Variants in FARP1 observed in about 807,000 individuals in gnomAD.
FARP1 encodes the protein FERM, ARHGEF and pleckstrin domain-containing protein 1.
In FARP1, 52 loss-of-function variants were observed where a neutral mutation model predicts 128.8. The ratio of observed to expected loss-of-function variants is 0.40; its 90% CI spans 0.32 to 0.51. The LOEUF (loss-of-function observed/expected upper bound fraction) is 0.51. Among genes scored for constraint, FARP1 ranks in the 20% least tolerant of loss-of-function variants. FARP1 has a pLI of 0.45. For synonymous variants in FARP1, 580 were observed against 551.8 expected (o/e 1.05, Z -0.72); for missense variants, 1,333 against 1,367.9 (o/e 0.97, Z 0.40).
At position 98,430,943 on chromosome 13, in the gene FARP1, G is replaced by A. The variant is rs1451601770; in HGVS notation, c.1906-100G>A. Reference sequence around the variant, plus strand: ...AGGAAATTAAACAAATCGTGAAATAGAGAGTGCAGGAGCGCTTCATTTCCC... The same window carrying A: ...AGGAAATTAAACAAATCGTGAAATAAAGAGTGCAGGAGCGCTTCATTTCCC... On this transcript the variant is annotated intron_variant, in intron 17 of 26. Transcript: ENST00000319562. 8.6e-6 allele frequency: 6 copies of A among 695,098 alleles called. No individual in the cohort carries two copies. The African/African-American group carries it at 1.1e-4, about 12-fold the overall frequency. 43.1% of individuals were successfully genotyped at this position (695,098 alleles called of 1,614,324 possible).
chr13:98,438,786 G>T lies in FARP1; in HGVS notation c.2275-18G>T, dbSNP rs754594177. 22 of 1,610,758 alleles carry T rather than the reference G, an allele frequency of 1.4e-5. No individual in the cohort carries two copies. The highest frequency in any genetic ancestry group is 1.7e-5 in the Non-Finnish European group (20 of 1,178,698). ...TCCGCACGCTCGCAGCCAGCCCTCCGGTCTGTCTCCCCTGCAGGAGTTCAT... is the reference window on the plus strand; with the variant it reads ...TCCGCACGCTCGCAGCCAGCCCTCCTGTCTGTCTCCCCTGCAGGAGTTCAT... On this transcript the variant is annotated intron_variant, in intron 19 of 26. Coordinates refer to ENST00000319562, the MANE Select transcript of FARP1 (RefSeq NM_005766.4).
At chr13:98,297,539 A>T (rs1885750946) in intron 2 of FARP1, among the ~76,000 whole-genome samples, 1 of 152,192 alleles carries the variant, frequency 6.6e-6, no homozygotes, top group Admixed American at 6.5e-5. Context: ...GACTACAGCC[A>T]ACTGTAGGTA....
intron 13 of FARP1, 30 bp downstream of exon 13, chr13:98,395,506 A>G (rs1486066893): frequency 1.3e-6 from 2 of 1,551,330 alleles, no homozygotes; most frequent in African/African-American, 2.7e-5. Flanking sequence ...CAGAGGCAGC[A>G]GTACTTCCAT....
chr13:98,395,367 G>T lies in FARP1; in HGVS notation c.1305G>T (p.Ala435=). The T allele has an allele frequency of 1.2e-6, 2 of 1,611,972 alleles. No individual in the cohort carries two copies. Among genetic ancestry groups the T allele is most frequent in the Non-Finnish European group, 1.7e-6 (2 of 1,179,182 alleles). ...HPSPAPRRSP[A]GNKQADGAAS... is the part of the protein sequence containing the mutation. ...GCCCTGCGCCGAGGAGAAGCCCCGC[G>T]GGTAACAAGCAGGCGGACGGAGCCG... The change falls in exon 13 of 27, where the codon GCG becomes GCT. Residue 435 remains alanine, a synonymous_variant. Coordinates refer to ENST00000319562, the MANE Select transcript of FARP1 (RefSeq NM_005766.4).
chr13:98,442,847 G>T (rs115947012), intron 24 of FARP1, among the ~76,000 whole-genome samples: 3 of 152,222 alleles, frequency 2.0e-5, no homozygotes, highest in Admixed American at 6.5e-5. Context: ...GCCTTGCTTC[G>T]TCCTGACCTC....
chr13:98,286,966 C>T (rs1260707442), intron 2 of FARP1, among the ~76,000 whole-genome samples: 1 of 152,096 alleles, frequency 6.6e-6, no homozygotes, highest in Non-Finnish European at 1.5e-5. Flanking sequence ...AATTAAAAAA[C>T]TCTCATACTG....
At chr13:98,270,789 C>T (rs73556869) in intron 2 of FARP1, among the ~76,000 whole-genome samples, 3 of 152,116 alleles carry the variant, frequency 2.0e-5, no homozygotes, top group African/African-American at 7.2e-5. Context: ...GGAAACTAAG[C>T]ATGTATATCT....
chr13:98,245,379 A>G, intron 2 of FARP1: 1 of 984,132 alleles, frequency 1.0e-6, no homozygotes, highest in Non-Finnish European at 1.2e-6. Flanking sequence ...TTTTAATGAG[A>G]AAACAGATTT....
intron 5 of FARP1, among the ~76,000 whole-genome samples, chr13:98,376,739 A>G (rs1306163845): frequency 6.9e-6 from 1 of 145,390 alleles, no homozygotes; most frequent in Non-Finnish European, 1.5e-5. Flanking sequence ...TCCCGCCGAT[A>G]GTACTTGAGG....
chr13:98,148,084 C>CA (rs11306922), intron 1 of FARP1, among the ~76,000 whole-genome samples: 1 of 151,872 alleles, frequency 6.6e-6, no homozygotes, highest in African/African-American at 2.4e-5. Context: ...GGTTCCTTTT[C>CA]AAAAAAAAAG....
Position 98,373,531 on chromosome 13 carries a change from C to CGG in FARP1, c.399-4290_399-4289insGG, listed in dbSNP as rs1308379586. ...CTTTGACTTTCCAGAGACAGACAGA[C>CGG]AGACACACACACACACACACACACA... On this transcript the variant is annotated intron_variant, in intron 5 of 26. Transcript: ENST00000319562. Among the ~76,000 whole-genome samples, 328 of 116,952 alleles carry CGG rather than the reference C, an allele frequency of 2.8e-3. 1 individual carries two copies. The highest frequency in any genetic ancestry group is 0.011 in the African/African-American group (320 of 29,116). 76.7% of individuals were successfully genotyped at this position (116,952 alleles called of 152,430 possible).
chr13:98,168,723 G>T (rs1166216319), intron 1 of FARP1, among the ~76,000 whole-genome samples: 3 of 152,082 alleles, frequency 2.0e-5, no homozygotes, highest in Non-Finnish European at 4.4e-5. Context: ...CTTCATTCTG[G>T]TAGAGCCCTT....
intron 2 of FARP1, among the ~76,000 whole-genome samples, chr13:98,215,991 A>T (rs1456097094): frequency 2.6e-5 from 4 of 152,054 alleles, no homozygotes; most frequent in African/African-American, 9.7e-5. Context: ...GGCTTTTACC[A>T]TGTTGACCAG....
chr13:98,419,017 C>T (rs1891491519), intron 16 of FARP1, among the ~76,000 whole-genome samples: 1 of 152,232 alleles, frequency 6.6e-6, no homozygotes, highest in Admixed American at 6.5e-5. Flanking sequence ...CTTCTGTCTT[C>T]TGTGTTTCCC....
rs767112393 is a variant in FARP1, at chr13:98,449,701, A to G, written c.*1384A>G. On this transcript the variant is annotated 3_prime_UTR_variant, in exon 27 of 27. Coordinates refer to ENST00000319562, the MANE Select transcript of FARP1 (RefSeq NM_005766.4). ...TTACAAGATGTACCAGACGGTTTCCAGTACTAACAAAGGGAATAAAAATAC... is the reference window on the plus strand; with the variant it reads ...TTACAAGATGTACCAGACGGTTTCCGGTACTAACAAAGGGAATAAAAATAC... 3 of 152,350 alleles carry G rather than the reference A, an allele frequency of 2.0e-5. No individual in the cohort carries two copies. The highest frequency in any genetic ancestry group is 2.9e-5 in the Non-Finnish European group (2 of 68,008). 9.4% of individuals were successfully genotyped at this position (152,350 alleles called of 1,614,324 possible).
intron 5 of FARP1, 61 bp from the exon 6 acceptor site, chr13:98,377,760 C>T (rs982865112): frequency 1.7e-5 from 21 of 1,261,316 alleles, no homozygotes; most frequent in Non-Finnish European, 2.2e-5. Flanking sequence ...CATGGTGAGG[C>T]CAGGTTCCCG....
intron 2 of FARP1, among the ~76,000 whole-genome samples, chr13:98,230,722 A>C (rs917482770): frequency 6.6e-6 from 1 of 152,184 alleles, no homozygotes; most frequent in Non-Finnish European, 1.5e-5. Context: ...TGATGGGCAT[A>C]ACGAGTCTCA....
intron 17 of FARP1, among the ~76,000 whole-genome samples, chr13:98,426,746 G>C (rs11841970): frequency 0.11 from 17,153 of 152,178 alleles, 1,497 homozygotes; most frequent in East Asian, 0.31. Flanking sequence ...GTTGCAGAAT[G>C]CTATGCAAAA....
intron 2 of FARP1, among the ~76,000 whole-genome samples, chr13:98,301,399 G>A (rs555077210): frequency 6.6e-6 from 1 of 152,328 alleles, no homozygotes; most frequent in Non-Finnish European, 1.5e-5. Flanking sequence ...TATTGTATGA[G>A]GTTGCTGGCA....
Sources: gnomAD v4.1 joint callset for allele counts (sites outside exome capture counted in the v4.1 genomes callset) on GRCh38, gnomAD v4.1.1 for gene constraint, MANE v1.5 for transcripts, NCBI Gene and HGNC (gene_info 2026-07-23, HGNC 2026-07-21) for gene names.